MAP2K5: variants seen among roughly 807,000 people sequenced by gnomAD.
The protein encoded by MAP2K5 is dual specificity mitogen-activated protein kinase kinase 5.
Under a neutral mutation model 83.1 loss-of-function variants are expected in MAP2K5, and 49 were observed. That is an observed-to-expected ratio of 0.59 (90% CI 0.47 to 0.75). The LOEUF is 0.75. MAP2K5 is among the 30% of genes least tolerant of loss of function. The probability of loss-of-function intolerance (pLI) is 0.00; values close to 1 mark genes in which losing one functional copy is unlikely to be tolerated. For synonymous variants in MAP2K5, 202 were observed against 191.8 expected, an observed-to-expected ratio of 1.05 and a Z score of -0.44; for missense variants, 457 against 557.5, an observed-to-expected ratio of 0.82 and a Z score of 1.82.
intron 16 of MAP2K5, among the ~76,000 whole-genome samples, chr15:67,715,866 C>G (rs2088817269): frequency 6.6e-6 from 1 of 152,306 alleles, no homozygotes; most frequent in Non-Finnish European, 1.5e-5. Flanking sequence ...GGATAGAACT[C>G]TACACTTTCC....
chr15:67,617,147 A>G (rs527637955), intron 8 of MAP2K5, among the ~76,000 whole-genome samples: 3 of 152,306 alleles, frequency 2.0e-5, no homozygotes, highest in Admixed American at 6.5e-5. Flanking sequence ...GCTCATTTTG[A>G]TAACTATTTT....
chr15:67,602,782 C>G (rs74937538), intron 8 of MAP2K5, among the ~76,000 whole-genome samples: 1,892 of 152,238 alleles, frequency 0.012, 46 homozygotes, highest in African/African-American at 0.043. Context: ...GCCTCCCAAG[C>G]AGTTGGGATT....
At chr15:67,630,279 A>T (rs190535139) in intron 8 of MAP2K5, among the ~76,000 whole-genome samples, 4 of 152,296 alleles carry the variant, frequency 2.6e-5, no homozygotes, top group African/African-American at 2.4e-5. Context: ...GTCTTGATGG[A>T]TAGTAATGGT....
At chr15:67,590,541 G>A (rs1261886550) in intron 6 of MAP2K5, among the ~76,000 whole-genome samples, 1 of 148,972 alleles carries the variant, frequency 6.7e-6, no homozygotes, top group Non-Finnish European at 1.5e-5. Context: ...ACAATTACGG[G>A]TCACCACAGC....
rs1333983258 is a variant in MAP2K5 at position 67,636,562 on chromosome 15, A to C, written c.585+5635A>C. 6.6e-6 allele frequency among the ~76,000 whole-genome samples: 1 copy of C among 151,860 alleles called. No individual in the cohort carries two copies. Among genetic ancestry groups the C allele is most frequent in the Non-Finnish European group, 1.5e-5 (1 of 67,974 alleles). Reference sequence around the variant, plus strand: ...TTTTCACTTTTTTTTCATATCTTATAATTTTTTTTAAGTGAAAAGCAAGTT... The same window carrying C: ...TTTTCACTTTTTTTTCATATCTTATCATTTTTTTTAAGTGAAAAGCAAGTT... On this transcript the variant is annotated intron_variant, in intron 9 of 21. Transcript: ENST00000178640. The surrounding 1 kb of genome is among the most constrained non-coding windows in gnomAD (Gnocchi z 4.7).
At chr15:67,585,858 G>A in intron 4 of MAP2K5, 32 bp from the exon 5 acceptor site, 3 of 1,603,720 alleles carry the variant, frequency 1.9e-6, no homozygotes, top group Non-Finnish European at 2.6e-6. Context: ...TGGCCCTGAT[G>A]TGTTCTACAA....
At position 67,769,730 on chromosome 15, in the gene MAP2K5, C is replaced by T. The variant is rs377559601; in HGVS notation, c.1196+67C>T. 2.5e-5 allele frequency: 38 copies of T among 1,507,962 alleles called. No homozygotes were observed. In the East Asian group the frequency reaches 3.2e-4, roughly 13 times the overall value. 93.4% of individuals were successfully genotyped at this position (1,507,962 alleles called of 1,614,324 possible). On this transcript the variant is annotated intron_variant, in intron 20 of 21. Transcript: ENST00000178640. The surrounding 1 kb of genome is among the most constrained non-coding windows in gnomAD (Gnocchi z 5.2). ...ATACATGCCATTAACTCGGCAGCTC[C>T]GTGAGACCTTATGGCTCTCCCTGCA...
intron 13 of MAP2K5, among the ~76,000 whole-genome samples, chr15:67,686,457 A>G (rs886345939): frequency 2.0e-5 from 3 of 151,842 alleles, no homozygotes; most frequent in African/African-American, 7.3e-5. Context: ...AAATACAAAA[A>G]CTAGCTGGGG....
chr15:67,806,996 A>G lies in MAP2K5; in HGVS notation c.*246A>G. 6.8e-7 allele frequency: 1 copy of G among 1,474,728 alleles called. No homozygotes were observed. The highest frequency in any genetic ancestry group is 9.0e-7 in the Non-Finnish European group (1 of 1,112,454). The allele number at this position is 1,474,728 out of a possible 1,614,324, so 91.4% of individuals were successfully genotyped here. On this transcript the variant is annotated 3_prime_UTR_variant, in exon 22 of 22. Coordinates refer to ENST00000178640, the MANE Select transcript of MAP2K5 (RefSeq NM_145160.3). ...CTGGCAGAGAGGTAAAGGGTGGGGC[A>G]TTGAGAATGGAGGCTCCCAGGGTCC...
At chr15:67,596,969 A>C (rs1213138277) in intron 7 of MAP2K5, among the ~76,000 whole-genome samples, 1 of 152,114 alleles carries the variant, frequency 6.6e-6, no homozygotes, top group African/African-American at 2.4e-5. Flanking sequence ...CAGGAGATCA[A>C]GACCATCCTG....
intron 2 of MAP2K5, among the ~76,000 whole-genome samples, chr15:67,550,952 A>T (rs1683660698): frequency 6.6e-6 from 1 of 152,034 alleles, no homozygotes; most frequent in African/African-American, 2.4e-5. Flanking sequence ...TTGTATTTTT[A>T]GTAGAGACAG....
At chr15:67,580,934 C>A in intron 4 of MAP2K5, 111 bp downstream of exon 4, 2 of 726,586 alleles carry the variant, frequency 2.8e-6, no homozygotes, top group Admixed American at 2.1e-5. Context: ...GCTCTTAATT[C>A]GAAAAACAAA....
intron 11 of MAP2K5, among the ~76,000 whole-genome samples, chr15:67,648,080 C>G (rs764352502): frequency 6.6e-6 from 1 of 152,138 alleles, no homozygotes; most frequent in Non-Finnish European, 1.5e-5. Flanking sequence ...AAATATAACT[C>G]AGATACCATA....
At chr15:67,549,280 T>C in intron 1 of MAP2K5, 5 of 1,309,918 alleles carry the variant, frequency 3.8e-6, no homozygotes, top group Non-Finnish European at 5.3e-6. Context: ...CTTTATAGAT[T>C]TATTTAAGCA....
intron 14 of MAP2K5, among the ~76,000 whole-genome samples, chr15:67,693,152 T>C (rs1408476396): frequency 2.0e-5 from 3 of 152,234 alleles, no homozygotes; most frequent in Non-Finnish European, 4.4e-5. Flanking sequence ...ATTCTAGTAA[T>C]GCATGGGGCT....
At chr15:67,804,613 T>G (rs1275141621) in intron 21 of MAP2K5, among the ~76,000 whole-genome samples, 1 of 152,224 alleles carries the variant, frequency 6.6e-6, no homozygotes, top group Non-Finnish European at 1.5e-5. Flanking sequence ...CGCTCCCTCC[T>G]GCAGTTCCGC....
intron 8 of MAP2K5, among the ~76,000 whole-genome samples, chr15:67,606,458 A>C (rs530842280): frequency 6.6e-6 from 1 of 152,206 alleles, no homozygotes; most frequent in South Asian, 2.1e-4. Flanking sequence ...TGAAGGTTGA[A>C]TGTATACCAT....
chr15:67,589,267 C>A (rs969487061), intron 6 of MAP2K5, among the ~76,000 whole-genome samples: 3 of 149,042 alleles, frequency 2.0e-5, no homozygotes, highest in Non-Finnish European at 4.5e-5. Flanking sequence ...TTTTTTTTTT[C>A]TTTTTAACCA....
At chr15:67,598,642 G>A (rs72749351) in intron 7 of MAP2K5, among the ~76,000 whole-genome samples, 19,777 of 152,176 alleles carry the variant, frequency 0.13, 1,405 homozygotes, top group East Asian at 0.21. Context: ...TGTAGTGGAT[G>A]TAAGTGGTAA....
Sources: allele counts gnomAD v4.1 joint callset (sites outside exome capture counted in the v4.1 genomes callset), GRCh38; gene constraint gnomAD v4.1.1; non-coding constraint Gnocchi (gnomAD v3.1); transcripts MANE v1.5; gene names NCBI Gene and HGNC (gene_info 2026-07-23, HGNC 2026-07-21).